SEMA6A: variants seen among roughly 807,000 people sequenced by gnomAD.
SEMA6A encodes the protein semaphorin-6A.
A neutral mutation model predicts 96.8 loss-of-function variants in SEMA6A; 25 were observed. The ratio of observed to expected loss-of-function variants is 0.26; its 90% CI spans 0.19 to 0.36. The LOEUF (loss-of-function observed/expected upper bound fraction) is 0.36. SEMA6A is among the 10% of genes least tolerant of loss of function. The pLI, the probability that SEMA6A is intolerant of heterozygous loss-of-function variation, is 1.00. For synonymous variants in SEMA6A, 612 were observed against 518.0 expected, an observed-to-expected ratio of 1.18 and a Z score of -2.46; for missense variants, 1,363 against 1,323.1, an observed-to-expected ratio of 1.03 and a Z score of -0.47.
chr5:116,486,225 C>T (rs974934706), intron 10 of SEMA6A, among the ~76,000 whole-genome samples: 4 of 152,118 alleles, frequency 2.6e-5, no homozygotes, highest in African/African-American at 9.7e-5. Context: ...TAGATTTCAC[C>T]CTGTAGCAAT....
At chr5:116,479,791 A>G (rs1756658206) in intron 12 of SEMA6A, among the ~76,000 whole-genome samples, 1 of 152,206 alleles carries the variant, frequency 6.6e-6, no homozygotes, top group South Asian at 2.1e-4. Flanking sequence ...CCAACCAATC[A>G]GGTATCCACA....
At chr5:116,537,979 A>T (rs1219295945) in intron 1 of SEMA6A, among the ~76,000 whole-genome samples, 1 of 152,168 alleles carries the variant, frequency 6.6e-6, no homozygotes, top group Non-Finnish European at 1.5e-5. Context: ...GATCAAGACC[A>T]TCTTGGCCAA....
rs1760697878 is a variant in SEMA6A, at chr5:116,558,708, C to T, written c.-39+15477G>A. ...CGATCTCCTGACCTCATGATCCACCCGCCTCGGCCTCCCAAAGTGCTGGGA... is the reference window on the plus strand; with the variant it reads ...CGATCTCCTGACCTCATGATCCACCTGCCTCGGCCTCCCAAAGTGCTGGGA... On this transcript the variant is annotated intron_variant, in intron 1 of 18. Coordinates refer to ENST00000343348, the MANE Select transcript of SEMA6A (RefSeq NM_020796.5). 1.5e-5 allele frequency among the ~76,000 whole-genome samples: 2 copies of T among 131,942 alleles called. 1 individual carries two copies. Among genetic ancestry groups the T allele is most frequent in the South Asian group, 5.3e-4 (2 of 3,788 alleles). The allele number at this position is 131,942 out of a possible 152,430, so 86.6% of individuals were successfully genotyped here.
intron 1 of SEMA6A, among the ~76,000 whole-genome samples, chr5:116,509,398 T>C (rs768145440): frequency 6.6e-6 from 1 of 152,186 alleles, no homozygotes; most frequent in Non-Finnish European, 1.5e-5. Context: ...GTTTTAAAGA[T>C]AACCAACAAT....
At chr5:116,568,682 T>A (rs992267470) in intron 1 of SEMA6A, among the ~76,000 whole-genome samples, 1 of 152,150 alleles carries the variant, frequency 6.6e-6, no homozygotes, top group Non-Finnish European at 1.5e-5. Flanking sequence ...CACAGATGTG[T>A]GCTCTTGGAC....
At chr5:116,460,557 A>T (rs1030133025) in intron 18 of SEMA6A, among the ~76,000 whole-genome samples, 7 of 152,174 alleles carry the variant, frequency 4.6e-5, no homozygotes, top group Non-Finnish European at 8.8e-5. Flanking sequence ...GTTTTAGTTA[A>T]AAGTATGTCC....
chr5:116,474,786 T>A (rs1384312937), intron 16 of SEMA6A, among the ~76,000 whole-genome samples: 1 of 152,214 alleles, frequency 6.6e-6, no homozygotes, highest in Non-Finnish European at 1.5e-5. Flanking sequence ...AAATTCAGCA[T>A]ATATAACATT....
At chr5:116,518,864 C>CAACACATG (rs1758789557) in intron 1 of SEMA6A, among the ~76,000 whole-genome samples, 1 of 152,174 alleles carries the variant, frequency 6.6e-6, no homozygotes, top group South Asian at 2.1e-4. Context: ...TGGAGAGTAA[C>CAACACATG]AACACATGAA....
intron 1 of SEMA6A, among the ~76,000 whole-genome samples, chr5:116,505,278 C>T (rs1758091972): frequency 6.6e-6 from 1 of 152,128 alleles, no homozygotes; most frequent in Non-Finnish European, 1.5e-5. Context: ...TCATGAAACT[C>T]TGCCTTCAAA....
In SEMA6A at chr5:116,486,089, A is replaced by T. The variant is rs187576079; in HGVS notation, c.962+660T>A. 2.6e-3 allele frequency among the ~76,000 whole-genome samples: 394 copies of T among 152,282 alleles called. 3 individuals carry two copies. The highest frequency in any genetic ancestry group is 3.5e-3 in the Non-Finnish European group (235 of 68,028). ...TTGATGATTTATAAATTCTCACTAG[A>T]GCCTTCCAGAGTCAGATTCTGGTGC... On this transcript the variant is annotated intron_variant, in intron 10 of 18. Transcript: ENST00000343348.
chr5:116,478,670 C>T lies in SEMA6A; in HGVS notation c.1299G>A (p.Gln433=), dbSNP rs201695971. 3 of 1,613,766 alleles carry T rather than the reference C, an allele frequency of 1.9e-6. No homozygotes were observed. The highest frequency in any genetic ancestry group is 2.5e-6 in the Non-Finnish European group (3 of 1,179,816). The change falls in exon 13 of 19, where the codon CAG becomes CAA. Residue 433 remains glutamine (Q), a synonymous_variant. Transcript: ENST00000343348. ...ATCCCAGAAAAACCACAGTGTGATT[C>T]TGATATGGCCCAGCAGCTGTGTCCA... ...IAVDTAAGPY[Q]NHTVVFLGSE... is the part of the protein sequence containing the mutation.
intron 1 of SEMA6A, among the ~76,000 whole-genome samples, chr5:116,519,141 A>C (rs2112810588): frequency 6.6e-6 from 1 of 152,308 alleles, no homozygotes; most frequent in South Asian, 2.1e-4. Context: ...ATGAGAAGAG[A>C]GCAAAGTGCT....
intron 1 of SEMA6A, among the ~76,000 whole-genome samples, chr5:116,516,103 T>G (rs959203962): frequency 2.0e-5 from 3 of 152,186 alleles, no homozygotes; most frequent in Non-Finnish European, 4.4e-5. Context: ...CCTGCCTCTT[T>G]CGATGAGCTC....
chr5:116,519,772 A>G (rs1758846882), intron 1 of SEMA6A, among the ~76,000 whole-genome samples: 2 of 152,166 alleles, frequency 1.3e-5, no homozygotes, highest in South Asian at 4.1e-4. Context: ...GTAATATCCA[A>G]GTATGGATTC....
Position 116,478,130 on chromosome 5 carries a change from G to C in SEMA6A, c.1452C>G (p.Asp484Glu), listed in dbSNP as rs931729884. The C allele has an allele frequency of 6.2e-7, 1 of 1,613,862 alleles. No homozygotes were observed. The highest frequency in any genetic ancestry group is 8.5e-7 in the Non-Finnish European group (1 of 1,179,852). ...CCAGCTGCATGCCCATGATCCTTTT[G>C]TCTTCGACTCCATCATAGCTGCATC... ...SEKCSYDGVE[D>E]KRIMGMQLDR... Residue 484 changes from aspartate to glutamate, a missense_variant, in exon 14 of 19, where the codon GAC becomes GAG. Coordinates refer to ENST00000343348, the MANE Select transcript of SEMA6A (RefSeq NM_020796.5).
rs150802847 is a variant in SEMA6A, at chr5:116,520,278, T to C, written c.-38-15296A>G. Among the ~76,000 whole-genome samples the C allele has an allele frequency of 4.1e-3, 621 of 150,046 alleles. 3 individuals carry two copies. Among genetic ancestry groups the C allele is most frequent in the African/African-American group, 0.014 (581 of 40,952 alleles). On this transcript the variant is annotated intron_variant, in intron 1 of 18. Transcript: ENST00000343348. ...TGCTTTTTTTTTTTTTTTTCATCACTTTATTCTACATTTCTGCAATGGATT... is the reference window on the plus strand; with the variant it reads ...TGCTTTTTTTTTTTTTTTTCATCACCTTATTCTACATTTCTGCAATGGATT...
chr5:116,563,513 G>A (rs1178260851), intron 1 of SEMA6A, among the ~76,000 whole-genome samples: 1 of 152,084 alleles, frequency 6.6e-6, no homozygotes, highest in East Asian at 1.9e-4. Context: ...CCTAAATACA[G>A]CCTCCAAGGC....
At chr5:116,484,905 C>T (rs1212022249) in intron 10 of SEMA6A, among the ~76,000 whole-genome samples, 30 of 152,150 alleles carry the variant, frequency 2.0e-4, no homozygotes, top group Admixed American at 2.0e-3. Context: ...AGGGGATGAA[C>T]TAGAGAAGGA....
intron 1 of SEMA6A, among the ~76,000 whole-genome samples, chr5:116,534,237 A>G (rs897615399): frequency 4.6e-5 from 7 of 152,218 alleles, no homozygotes; most frequent in Admixed American, 2.0e-4. Flanking sequence ...AAATTTAACT[A>G]GAATTCCTTC....
Sources: allele counts gnomAD v4.1 joint callset (sites outside exome capture counted in the v4.1 genomes callset), GRCh38; gene constraint gnomAD v4.1.1; transcripts MANE v1.5; gene names NCBI Gene and HGNC (gene_info 2026-07-23, HGNC 2026-07-21).